Variants in MAPK4 observed in about 807,000 individuals in gnomAD.
MAPK4 encodes the protein Erk3-related.
A neutral mutation model predicts 47.7 loss-of-function variants in MAPK4; 22 were observed. That is an observed-to-expected ratio of 0.46 (90% confidence interval 0.33 to 0.66). The LOEUF (loss-of-function observed/expected upper bound fraction) is 0.66, where lower values mean the gene tolerates loss of function less well. Ranked by LOEUF, MAPK4 falls within the 30% of genes least tolerant of loss-of-function variation. The pLI, the probability that MAPK4 is intolerant of heterozygous loss-of-function variation, is 0.02. For synonymous variants in MAPK4, 390 were observed against 365.7 expected (o/e 1.07, Z -0.76); for missense variants, 736 against 831.7 (o/e 0.88, Z 1.42).
rs1239836726 is a variant in MAPK4 at position 50,664,549 on chromosome 18, C to G, written c.546+45C>G. On this transcript the variant is annotated intron_variant, in intron 2 of 5. Transcript: ENST00000400384. The surrounding 1 kb of genome is among the most constrained non-coding windows in gnomAD (Gnocchi z 6.0). The stretch of plus-strand genomic sequence containing the variant: ...CGGATACTGGTGGTCCACAGAATCC[C>G]CAAGAATACTTGCAGCATTCCCAAG... The G allele has an allele frequency of 3.3e-6, 5 of 1,533,568 alleles. No individual in the cohort carries two copies. The highest frequency in any genetic ancestry group is 4.4e-6 in the Non-Finnish European group (5 of 1,134,348). The allele number at this position is 1,533,568 out of a possible 1,614,324, so 95.0% of individuals were successfully genotyped here.
intron 1 of MAPK4, among the ~76,000 whole-genome samples, chr18:50,590,832 G>A (rs200261174): frequency 1.7e-4 from 26 of 152,110 alleles, no homozygotes; most frequent in African/African-American, 5.1e-4. Context: ...TAAGTGTTCC[G>A]CTTGGCTGGT....
chr18:50,664,601 G>C lies in MAPK4; in HGVS notation c.546+97G>C. 7.4e-7 allele frequency: 1 copy of C among 1,352,416 alleles called. No individual in the cohort carries two copies. The highest frequency in any genetic ancestry group is 1.4e-5 in the South Asian group (1 of 70,888). 83.8% of individuals were successfully genotyped at this position (1,352,416 alleles called of 1,614,324 possible). The stretch of plus-strand genomic sequence containing the variant: ...TATTCCTAGCTCCATGGTAGTCAGA[G>C]GACTAGAGTTAGTAATTAGGGGAGG... On this transcript the variant is annotated intron_variant, in intron 2 of 5. Coordinates refer to ENST00000400384, the MANE Select transcript of MAPK4 (RefSeq NM_002747.4). This position sits in a 1 kb window ranked among gnomAD's most constrained non-coding sequence, Gnocchi z 6.0.
At chr18:50,568,395 T>G (rs937514602) in intron 1 of MAPK4, among the ~76,000 whole-genome samples, 2 of 152,158 alleles carry the variant, frequency 1.3e-5, no homozygotes, top group South Asian at 2.1e-4. Context: ...ATCGAGCATT[T>G]GCTAAGTGCT....
intron 1 of MAPK4, among the ~76,000 whole-genome samples, chr18:50,597,414 A>G (rs1382185142): frequency 6.6e-6 from 1 of 152,242 alleles, no homozygotes; most frequent in Non-Finnish European, 1.5e-5. Context: ...TGTCCTGCTC[A>G]TCTTGTTTCT....
intron 2 of MAPK4, among the ~76,000 whole-genome samples, chr18:50,679,090 G>A (rs553121560): frequency 2.0e-5 from 3 of 152,274 alleles, no homozygotes; most frequent in Non-Finnish European, 4.4e-5. Flanking sequence ...TTTTATTATG[G>A]AATTGGAGTC....
intron 1 of MAPK4, among the ~76,000 whole-genome samples, chr18:50,564,247 C>T (rs2042179180): frequency 6.6e-6 from 1 of 152,214 alleles, no homozygotes; most frequent in Non-Finnish European, 1.5e-5. Context: ...GCTTCCTTAC[C>T]TATATGTGCC....
Position 50,609,182 on chromosome 18 carries a change from A to G in MAPK4, c.-871+48939A>G, listed in dbSNP as rs181090132. Among the ~76,000 whole-genome samples the G allele has an allele frequency of 2.5e-3, 373 of 151,880 alleles. 4 individuals carry two copies. The East Asian group carries it at 0.04, about 16-fold the overall frequency. ...TTTTCCCCACATTTCCCCCTTTTCTATTCGACAAAACCGCCATCGTCATCA... is the reference window on the plus strand; with the variant it reads ...TTTTCCCCACATTTCCCCCTTTTCTGTTCGACAAAACCGCCATCGTCATCA... On this transcript the variant is annotated intron_variant, in intron 1 of 5. Transcript: ENST00000400384.
rs556098898 is a variant in MAPK4 at position 50,668,727 on chromosome 18, T to C, written c.546+4223T>C. ...TCCTTTTGCTCATGTAGTTTATCCCTAGAATAGATCTGTAAAAAGACCTCA... is the reference window on the plus strand; with the variant it reads ...TCCTTTTGCTCATGTAGTTTATCCCCAGAATAGATCTGTAAAAAGACCTCA... On this transcript the variant is annotated intron_variant, in intron 2 of 5. Coordinates refer to ENST00000400384, the MANE Select transcript of MAPK4 (RefSeq NM_002747.4). 2.0e-5 allele frequency among the ~76,000 whole-genome samples: 3 copies of C among 152,286 alleles called. No homozygotes were observed. The East Asian group carries it at 5.8e-4, about 29-fold the overall frequency.
At chr18:50,709,584 G>A (rs1414479587) in intron 2 of MAPK4, among the ~76,000 whole-genome samples, 1 of 152,192 alleles carries the variant, frequency 6.6e-6, no homozygotes, top group Non-Finnish European at 1.5e-5. Flanking sequence ...GATGGAGATT[G>A]GAGGACTCCA....
chr18:50,586,898 T>C (rs930127917), intron 1 of MAPK4, among the ~76,000 whole-genome samples: 9 of 151,280 alleles, frequency 5.9e-5, no homozygotes, highest in Non-Finnish European at 1.0e-4. Context: ...CTGATTTATA[T>C]ACCATTGCCA....
At chr18:50,583,807 C>T (rs149537769) in intron 1 of MAPK4, among the ~76,000 whole-genome samples, 2 of 152,324 alleles carry the variant, frequency 1.3e-5, no homozygotes, top group East Asian at 3.9e-4. Context: ...TCTCTTCACA[C>T]TGAATCAGAA....
intron 1 of MAPK4, among the ~76,000 whole-genome samples, chr18:50,596,262 A>G (rs1281421452): frequency 2.6e-5 from 4 of 152,124 alleles, no homozygotes; most frequent in Admixed American, 6.6e-5. Flanking sequence ...CTGGAGTTTG[A>G]GTCCTGGCAG....
intron 1 of MAPK4, among the ~76,000 whole-genome samples, chr18:50,586,607 A>T (rs918723319): frequency 6.6e-6 from 1 of 152,088 alleles, no homozygotes; most frequent in African/African-American, 2.4e-5. Flanking sequence ...TATAACTTTT[A>T]TGAGGAGAAA....
intron 4 of MAPK4, among the ~76,000 whole-genome samples, chr18:50,724,604 G>C (rs993574002): frequency 6.6e-6 from 1 of 152,244 alleles, no homozygotes; most frequent in African/African-American, 2.4e-5. Flanking sequence ...CTGAGCATCA[G>C]ACTGTTGGGG....
intron 1 of MAPK4, among the ~76,000 whole-genome samples, chr18:50,599,438 T>C (rs2042514899): frequency 6.6e-6 from 1 of 152,086 alleles, no homozygotes; most frequent in South Asian, 2.1e-4. Flanking sequence ...ATTATTATTT[T>C]GAGACGGAGT....
chr18:50,695,661 A>C (rs537337014), intron 2 of MAPK4, among the ~76,000 whole-genome samples: 104 of 152,322 alleles, frequency 6.8e-4, no homozygotes, highest in Admixed American at 1.5e-3. Context: ...AGAGCTAGAG[A>C]GAGCGCCTGG....
At chr18:50,668,948 T>G (rs1907769204) in intron 2 of MAPK4, among the ~76,000 whole-genome samples, 1 of 152,244 alleles carries the variant, frequency 6.6e-6, no homozygotes, top group Non-Finnish European at 1.5e-5. Flanking sequence ...ATAGGATTCC[T>G]GTTAGAGTCA....
rs948574615 is a variant in MAPK4, at chr18:50,664,577, A to G, written c.546+73A>G. 2 of 1,477,904 alleles carry G rather than the reference A, an allele frequency of 1.4e-6. No individual in the cohort carries two copies. The highest frequency in any genetic ancestry group is 1.8e-6 in the Non-Finnish European group (2 of 1,090,850). The allele number at this position is 1,477,904 out of a possible 1,614,324, so 91.5% of individuals were successfully genotyped here. A position where few individuals can be genotyped will look rare whatever the true frequency, so the allele number is the denominator to read the frequency against. On this transcript the variant is annotated intron_variant, in intron 2 of 5. Transcript: ENST00000400384. This position sits in a 1 kb window ranked among gnomAD's most constrained non-coding sequence, Gnocchi z 6.0. ...AGAATACTTGCAGCATTCCCAAGCT[A>G]TTCCTAGCTCCATGGTAGTCAGAGG...
At chr18:50,605,659 G>C (rs1013256969) in intron 1 of MAPK4, among the ~76,000 whole-genome samples, 1 of 152,188 alleles carries the variant, frequency 6.6e-6, no homozygotes, top group South Asian at 2.1e-4. Context: ...TCTCAGAGGG[G>C]CAGTTGAGCT....
Sources: gnomAD v4.1 joint callset for allele counts (sites outside exome capture counted in the v4.1 genomes callset) on GRCh38, gnomAD v4.1.1 for gene constraint, Gnocchi (gnomAD v3.1) non-coding constraint, MANE v1.5 for transcripts, NCBI Gene and HGNC (gene_info 2026-07-23, HGNC 2026-07-21) for gene names.